Variants in C12orf54 observed in about 807,000 individuals in gnomAD.
C12orf54 encodes the protein chromosome 12 open reading frame 54, also known as uncharacterized protein C12orf54.
C12orf54 carries 24 observed loss-of-function variants against 26.4 expected under a neutral mutation model. The ratio of observed to expected loss-of-function variants is 0.91; its 90% CI spans 0.66 to 1.28. The LOEUF (loss-of-function observed/expected upper bound fraction) is 1.28, where lower values mean the gene tolerates loss of function less well. Among genes scored for constraint, C12orf54 ranks in the 50% most tolerant of loss-of-function variants. C12orf54 has a pLI of 0.00. For missense variants in C12orf54, 154 were observed against 150.9 expected (o/e 1.02, Z -0.11); for synonymous variants, 54 against 47.0 (o/e 1.15, Z -0.61).
the C12orf54 span, among the ~76,000 whole-genome samples, chr12:48,418,960 G>T: frequency 1.8e-3 from 278 of 150,314 alleles, no homozygotes; most frequent in African/African-American, 6.2e-3. Context: ...TGCATCATTT[G>T]CATTTCCTGT....
intron 5 of C12orf54, 131 bp downstream of exon 5, chr12:48,489,087 C>T (rs1286763859): frequency 1.1e-6 from 1 of 935,930 alleles, no homozygotes. Context: ...AGTGATTTCT[C>T]CCTTAAAGAG....
Position 48,486,186 on chromosome 12 carries a change from T to C in C12orf54, c.74T>C (p.Ile25Thr), listed in dbSNP as rs374989249. 20 of 1,611,160 alleles carry C rather than the reference T, an allele frequency of 1.2e-5. No homozygotes were observed. The highest frequency in any genetic ancestry group is 1.2e-4 in the African/African-American group (9 of 74,826). The change falls in exon 3 of 9, where the codon ATA becomes ACA. Residue 25 changes from isoleucine (I) to threonine (T), a missense_variant. Physicochemically the swap from Ile to Thr is moderately conservative, Grantham distance 89. Transcript: ENST00000548364. ...TCATTCTTTCTTTGCAGCACATCCA[T>C]AGAAGAGACAATGAGACCACAGGTG... ...MTSKQQRSTSIEETMRPQEKQ... is the reference protein window; with the variant it reads ...MTSKQQRSTSTEETMRPQEKQ...
chr12:48,413,668 G>A, the C12orf54 span, among the ~76,000 whole-genome samples: 12 of 152,268 alleles, frequency 7.9e-5, no homozygotes, highest in African/African-American at 2.9e-4. Flanking sequence ...GTAGACACAT[G>A]TTGTTTTGAC....
the C12orf54 span, among the ~76,000 whole-genome samples, chr12:48,452,654 C>A: frequency 6.6e-6 from 1 of 150,534 alleles, no homozygotes; most frequent in Admixed American, 6.6e-5. Flanking sequence ...AACAAATTTA[C>A]AAGAAAAAAC....
At chr12:48,457,102 C>T in the C12orf54 span, among the ~76,000 whole-genome samples, 1 of 151,892 alleles carries the variant, frequency 6.6e-6, no homozygotes. Flanking sequence ...TATGTGGTCT[C>T]TGTGTAATAT....
chr12:48,457,764 G>A, the C12orf54 span, among the ~76,000 whole-genome samples: 1 of 152,148 alleles, frequency 6.6e-6, no homozygotes, highest in Non-Finnish European at 1.5e-5. Context: ...TCCTCTTTCT[G>A]TGTGGCATTC....
intron 4 of C12orf54, among the ~76,000 whole-genome samples, chr12:48,487,116 A>G (rs997820331): frequency 6.6e-6 from 1 of 152,242 alleles, no homozygotes; most frequent in Non-Finnish European, 1.5e-5. Context: ...AAGGGTATAT[A>G]TGTGCAGAAG....
the C12orf54 span, among the ~76,000 whole-genome samples, chr12:48,460,804 C>T: frequency 6.6e-6 from 1 of 151,744 alleles, no homozygotes; most frequent in Admixed American, 6.6e-5. Flanking sequence ...TACCTAATAA[C>T]CCAACAAAGG....
rs1369515118 is a variant in C12orf54, at chr12:48,489,116, C to A, written c.168+160C>A. On this transcript the variant is annotated intron_variant, in intron 5 of 8. Transcript: ENST00000548364. Reference sequence around the variant, plus strand: ...TAAAGAGTACCACTGACTTGTCAGTCCAGGCGGCTAAGGCAAGAAGATGCC... The same window carrying A: ...TAAAGAGTACCACTGACTTGTCAGTACAGGCGGCTAAGGCAAGAAGATGCC... 6 of 810,256 alleles carry A rather than the reference C, an allele frequency of 7.4e-6. No homozygotes were observed. In the African/African-American group the frequency reaches 8.4e-5, roughly 11 times the overall value. 50.2% of individuals were successfully genotyped at this position (810,256 alleles called of 1,614,324 possible).
the C12orf54 span, among the ~76,000 whole-genome samples, chr12:48,435,529 C>T: frequency 6.6e-6 from 1 of 152,184 alleles, no homozygotes; most frequent in Non-Finnish European, 1.5e-5. Context: ...GGGTTACCCA[C>T]AAAGGGAAGC....
chr12:48,484,502 A>C (rs1469712933), intron 2 of C12orf54, among the ~76,000 whole-genome samples: 1 of 152,192 alleles, frequency 6.6e-6, no homozygotes, highest in East Asian at 1.9e-4. Context: ...TTGGTGGTAA[A>C]AGTGGACAGG....
chr12:48,442,263 TG>T, the C12orf54 span: 2 of 195,398 alleles, frequency 1.0e-5, no homozygotes, highest in Admixed American at 4.9e-5. Flanking sequence ...CTGCCTGTAG[TG>T]GAGCTGATCC....
the C12orf54 span, among the ~76,000 whole-genome samples, chr12:48,417,948 T>C: frequency 1.3e-5 from 2 of 152,256 alleles, no homozygotes; most frequent in African/African-American, 4.8e-5. Flanking sequence ...TATTCCATGG[T>C]GTATATGTGC....
chr12:48,481,593 G>A (rs999140504), upstream of C12orf54, among the ~76,000 whole-genome samples: 20 of 152,082 alleles, frequency 1.3e-4, no homozygotes, highest in Admixed American at 2.0e-4. Context: ...CAGGTGGAGC[G>A]CCGAGCCAAT....
the C12orf54 span, among the ~76,000 whole-genome samples, chr12:48,464,807 C>A: frequency 1.3e-5 from 2 of 152,106 alleles, no homozygotes; most frequent in East Asian, 3.8e-4. Context: ...CTGACAAAAA[C>A]AAGCAATGAG....
the C12orf54 span, among the ~76,000 whole-genome samples, chr12:48,422,668 T>C: frequency 7.2e-3 from 1,096 of 152,318 alleles, 13 homozygotes; most frequent in African/African-American, 0.025. Context: ...GAAAAATTAA[T>C]ATTTCTTTGA....
At chr12:48,439,639 T>C in the C12orf54 span, among the ~76,000 whole-genome samples, 1,321 of 152,092 alleles carry the variant, frequency 8.7e-3, 40 homozygotes, top group Admixed American at 0.052. Flanking sequence ...CAGCAAACTA[T>C]TGCAAGGACA....
chr12:48,474,406 G>C, the C12orf54 span, among the ~76,000 whole-genome samples: 44 of 152,260 alleles, frequency 2.9e-4, no homozygotes, highest in African/African-American at 9.6e-4. Flanking sequence ...AGGACAGTGG[G>C]TGCAGCACAC....
chr12:48,436,808 G>T, the C12orf54 span, among the ~76,000 whole-genome samples: 12 of 152,266 alleles, frequency 7.9e-5, no homozygotes, highest in African/African-American at 1.9e-4. Flanking sequence ...AAGCAGGAAA[G>T]ATCTAAAATT....
Sources: allele counts gnomAD v4.1 joint callset (sites outside exome capture counted in the v4.1 genomes callset), GRCh38; gene constraint gnomAD v4.1.1; transcripts MANE v1.5; gene names NCBI Gene and HGNC (gene_info 2026-07-23, HGNC 2026-07-21).